NECTIN3: variants seen among roughly 807,000 people sequenced by gnomAD.
NECTIN3 encodes nectin-3.
Under a neutral mutation model 49.4 loss-of-function variants are expected in NECTIN3, and 8 were observed. The observed-to-expected ratio is 0.16, with a 90% CI of 0.10 to 0.29. NECTIN3 has a LOEUF of 0.29. Among genes scored for constraint, NECTIN3 ranks in the 10% least tolerant of loss-of-function variants. The pLI, the probability that NECTIN3 is intolerant of heterozygous loss-of-function variation, is 1.00. For missense variants in NECTIN3, 581 were observed against 654.6 expected (o/e 0.89, Z 1.23); for synonymous variants, 277 against 241.1 (o/e 1.15, Z -1.38).
At chr3:111,174,399 C>T (rs1045390985) in intron 7 of NECTIN3, among the ~76,000 whole-genome samples, 9 of 152,056 alleles carry the variant, frequency 5.9e-5, no homozygotes, top group South Asian at 2.1e-4. Context: ...TTTTCCACTG[C>T]GGATATATTG....
At chr3:111,106,123 T>C (rs1452190133) in intron 1 of NECTIN3, among the ~76,000 whole-genome samples, 1 of 152,134 alleles carries the variant, frequency 6.6e-6, no homozygotes, top group African/African-American at 2.4e-5. Context: ...TGCTACTGAA[T>C]TTAAATGTTA....
At chr3:111,074,977 A>G (rs1361691784) in intron 1 of NECTIN3, 3 of 152,008 alleles carry the variant, frequency 2.0e-5, no homozygotes, top group East Asian at 3.9e-4. Flanking sequence ...CTGAGATTCT[A>G]TGCCTCTTTC....
chr3:111,100,911 T>C (rs767225505), intron 1 of NECTIN3, among the ~76,000 whole-genome samples: 5 of 152,056 alleles, frequency 3.3e-5, no homozygotes, highest in Non-Finnish European at 5.9e-5. Flanking sequence ...TTGAAAATCA[T>C]TGAGATTTTG....
At chr3:111,150,100 G>A (rs1238364476) in intron 7 of NECTIN3, among the ~76,000 whole-genome samples, 2 of 151,982 alleles carry the variant, frequency 1.3e-5, no homozygotes, top group African/African-American at 4.8e-5. Flanking sequence ...AATATTCTGT[G>A]TTTCAGCTAA....
At chr3:111,077,570 C>T (rs1375357713) in intron 1 of NECTIN3, among the ~76,000 whole-genome samples, 2 of 150,586 alleles carry the variant, frequency 1.3e-5, no homozygotes, top group Non-Finnish European at 3.0e-5. Context: ...GCAATGTGGC[C>T]GGGCCCCACT....
At chr3:111,104,441 C>G (rs1559779829) in intron 1 of NECTIN3, among the ~76,000 whole-genome samples, 1 of 150,582 alleles carries the variant, frequency 6.6e-6, no homozygotes, top group Non-Finnish European at 1.5e-5. Flanking sequence ...CCATCTCAGA[C>G]TCCTGAATAG....
chr3:111,135,502 G>A lies in NECTIN3; in HGVS notation c.*1287G>A, dbSNP rs2034546592. ...TTTTTGTTTGTGAGGTAATTAAATTGCTTCTACAGTGGAGGCTTACAAAAT... is the reference window on the plus strand; with the variant it reads ...TTTTTGTTTGTGAGGTAATTAAATTACTTCTACAGTGGAGGCTTACAAAAT... On this transcript the variant is annotated 3_prime_UTR_variant, in exon 6 of 6. Coordinates refer to ENST00000485303, the MANE Select transcript of NECTIN3 (RefSeq NM_015480.3). 3 of 978,502 alleles carry A rather than the reference G, an allele frequency of 3.1e-6. No individual in the cohort carries two copies. In the African/African-American group the frequency reaches 5.3e-5, roughly 17 times the overall value. 60.6% of individuals were successfully genotyped at this position (978,502 alleles called of 1,614,324 possible). A position where few individuals can be genotyped will look rare whatever the true frequency, so the allele number is the denominator to read the frequency against.
chr3:111,115,425 A>G (rs936123093), intron 2 of NECTIN3, among the ~76,000 whole-genome samples: 2 of 152,206 alleles, frequency 1.3e-5, no homozygotes. Context: ...CCTGTCTTCT[A>G]TTCTCAGCCC....
chr3:111,079,830 T>G (rs529047374), intron 1 of NECTIN3, among the ~76,000 whole-genome samples: 2 of 151,816 alleles, frequency 1.3e-5, no homozygotes, highest in African/African-American at 4.8e-5. Flanking sequence ...TGTCAACTTA[T>G]ATAGTAGCTT....
intron 5 of NECTIN3, among the ~76,000 whole-genome samples, chr3:111,129,700 G>C (rs2107486162): frequency 6.6e-6 from 1 of 151,814 alleles, no homozygotes; most frequent in African/African-American, 2.4e-5. Flanking sequence ...CCAGGCTGGA[G>C]TACAGTGGCA....
intron 1 of NECTIN3, among the ~76,000 whole-genome samples, chr3:111,108,870 T>A (rs1413678788): frequency 6.6e-6 from 1 of 152,106 alleles, no homozygotes; most frequent in Non-Finnish European, 1.5e-5. Context: ...CAAATACCTC[T>A]CATTAGGTCC....
intron 7 of NECTIN3, among the ~76,000 whole-genome samples, chr3:111,153,535 A>G (rs1414753789): frequency 6.6e-6 from 1 of 152,014 alleles, no homozygotes; most frequent in Non-Finnish European, 1.5e-5. Flanking sequence ...ATCAACTAAT[A>G]TATGCTACAT....
At position 111,126,334 on chromosome 3, in the gene NECTIN3, A is replaced by C; in HGVS notation, c.1068A>C (p.Ser356=). The part of the protein sequence containing the change: ...QRSDQKVIYI[S]DPPTTTTLQP... ...GTGACCAAAAAGTCATCTACATTTCAGGTAAGTTACTATCTGCTTGCAAAA... is the reference window on the plus strand; with the variant it reads ...GTGACCAAAAAGTCATCTACATTTCCGGTAAGTTACTATCTGCTTGCAAAA... The change falls in exon 5 of 6, where the codon TCA becomes TCC. Residue 356 remains serine (S), a splice_region_variant and synonymous_variant. Transcript: ENST00000485303. 6.2e-7 allele frequency: 1 copy of C among 1,603,614 alleles called. No individual in the cohort carries two copies. Among genetic ancestry groups the C allele is most frequent in the Non-Finnish European group, 8.5e-7 (1 of 1,176,240 alleles).
intron 5 of NECTIN3, among the ~76,000 whole-genome samples, chr3:111,132,599 T>C (rs1215105278): frequency 2.0e-5 from 3 of 151,978 alleles, no homozygotes; most frequent in Non-Finnish European, 4.4e-5. Context: ...TACTACTTAA[T>C]TGATAATTAA....
chr3:111,169,197 C>T (rs566660033), intron 7 of NECTIN3, among the ~76,000 whole-genome samples: 22 of 142,000 alleles, frequency 1.5e-4, no homozygotes, highest in African/African-American at 5.2e-4. Flanking sequence ...TCACGCCATT[C>T]TCCTGCCTCA....
chr3:111,158,483 G>GAT (rs1259599377), intron 7 of NECTIN3, among the ~76,000 whole-genome samples: 1 of 151,946 alleles, frequency 6.6e-6, no homozygotes, highest in African/African-American at 2.4e-5. Flanking sequence ...CCTTATTATT[G>GAT]ATATATATGT....
chr3:111,140,571 A>G (rs1257126773), downstream of NECTIN3, among the ~76,000 whole-genome samples: 1 of 151,894 alleles, frequency 6.6e-6, no homozygotes, highest in African/African-American at 2.4e-5. Flanking sequence ...TAACATGTAG[A>G]TTAGCACTGA....
intron 7 of NECTIN3, among the ~76,000 whole-genome samples, chr3:111,185,314 G>C (rs74753142): frequency 1.3e-5 from 2 of 152,066 alleles, no homozygotes; most frequent in East Asian, 3.9e-4. Context: ...ACACATGTGC[G>C]TGTGTGTGTG....
chr3:111,135,541 A>G lies in NECTIN3; in HGVS notation c.*1326A>G, dbSNP rs988490106. ...GGCTTACAAAATTATTGTGACAACT[A>G]TTTTGAAGCTGAAAGGATAGTTTTT... On this transcript the variant is annotated 3_prime_UTR_variant, in exon 6 of 6. Transcript: ENST00000485303. The G allele has an allele frequency of 1.8e-5, 18 of 982,402 alleles. No individual in the cohort carries two copies. Among genetic ancestry groups the G allele is most frequent in the Non-Finnish European group, 2.2e-5 (18 of 827,384 alleles). 60.9% of individuals were successfully genotyped at this position (982,402 alleles called of 1,614,324 possible). A position where few individuals can be genotyped will look rare whatever the true frequency, so the allele number is the denominator to read the frequency against.
Sources: gnomAD v4.1 joint callset for allele counts (sites outside exome capture counted in the v4.1 genomes callset) on GRCh38, gnomAD v4.1.1 for gene constraint, MANE v1.5 for transcripts, NCBI Gene and HGNC (gene_info 2026-07-23, HGNC 2026-07-21) for gene names.